AFF1: variants seen among roughly 807,000 people sequenced by gnomAD.
The protein encoded by AFF1 is AF4/FMR2 family member 1.
Under a neutral mutation model 121.7 loss-of-function variants are expected in AFF1, and 48 were observed. The observed-to-expected ratio is 0.39, with a 90% CI of 0.31 to 0.50. The LOEUF (loss-of-function observed/expected upper bound fraction) is 0.50, where lower values mean the gene tolerates loss of function less well. Ranked by LOEUF, AFF1 falls within the 20% of genes least tolerant of loss-of-function variation. AFF1 has a pLI of 0.76. For missense variants in AFF1, 1,523 were observed against 1,511.7 expected (o/e 1.01, Z -0.12); for synonymous variants, 613 against 563.0 (o/e 1.09, Z -1.26).
intron 4 of AFF1, chr4:87,048,107 G>A (rs1053340959): frequency 3.8e-5 from 6 of 157,698 alleles, no homozygotes; most frequent in Admixed American, 3.0e-4. Flanking sequence ...AGATGACAGA[G>A]TCTCTTAATT....
intron 2 of AFF1, among the ~76,000 whole-genome samples, chr4:86,985,867 AAAAC>A (rs1724216145): frequency 6.6e-6 from 1 of 151,708 alleles, no homozygotes; most frequent in Non-Finnish European, 1.5e-5. Flanking sequence ...TACAGAAAAA[AAAAC>A]TAATAAAAAG....
At chr4:87,060,891 A>T (rs868663823) in intron 4 of AFF1, among the ~76,000 whole-genome samples, 1 of 150,716 alleles carries the variant, frequency 6.6e-6, no homozygotes, top group Non-Finnish European at 1.5e-5. Flanking sequence ...CAACAAAAAA[A>T]CGGAATTATT....
chr4:86,994,988 C>G (rs563346943), intron 2 of AFF1, among the ~76,000 whole-genome samples: 13 of 152,270 alleles, frequency 8.5e-5, no homozygotes, highest in African/African-American at 3.1e-4. Context: ...ACTTTGTAAT[C>G]TCAGCACTTC....
intron 5 of AFF1, among the ~76,000 whole-genome samples, 192 bp downstream of exon 5, chr4:87,084,356 T>C (rs1193915960): frequency 6.6e-6 from 1 of 151,858 alleles, no homozygotes; most frequent in East Asian, 1.9e-4. Flanking sequence ...CTGGACAACA[T>C]AGCAAAACCC....
chr4:87,072,750 C>A (rs1370486735), intron 4 of AFF1, among the ~76,000 whole-genome samples: 2 of 152,088 alleles, frequency 1.3e-5, no homozygotes, highest in Non-Finnish European at 1.5e-5. Context: ...AGGCTGGTCA[C>A]AAACTACTGA....
chr4:87,010,128 GA>G (rs1324109052), intron 2 of AFF1, among the ~76,000 whole-genome samples: 2 of 152,174 alleles, frequency 1.3e-5, no homozygotes, highest in African/African-American at 4.8e-5. Flanking sequence ...TTTGAATTGA[GA>G]GATTACCTAA....
rs142174887 is a variant in AFF1 at position 86,997,154 on chromosome 4, C to T, written c.38+48583C>T. Among the ~76,000 whole-genome samples, 597 of 152,244 alleles carry T rather than the reference C, an allele frequency of 3.9e-3. 3 individuals are homozygous for T. Among genetic ancestry groups the T allele is most frequent in the African/African-American group, 0.013 (558 of 41,554 alleles). On this transcript the variant is annotated intron_variant, in intron 2 of 20. Coordinates refer to ENST00000395146, the MANE Select transcript of AFF1 (RefSeq NM_001166693.3). ...CTCGAACTCCTGAGGTCAGGTGATC[C>T]GCCCGCCTTGGCCCCCCAAAGTGCT...
intron 2 of AFF1, among the ~76,000 whole-genome samples, chr4:86,959,084 G>A (rs991148740): frequency 2.0e-5 from 3 of 152,162 alleles, no homozygotes; most frequent in African/African-American, 7.2e-5. Flanking sequence ...ACAATGCACA[G>A]AACAGCCCCC....
chr4:87,044,442 A>C (rs1730471280), intron 2 of AFF1, among the ~76,000 whole-genome samples: 1 of 152,156 alleles, frequency 6.6e-6, no homozygotes, highest in African/African-American at 2.4e-5. Context: ...CTAGGGGAGA[A>C]GGGAGGAGGA....
At chr4:86,937,935 A>C (rs898660904) in intron 1 of AFF1, among the ~76,000 whole-genome samples, 45 of 152,160 alleles carry the variant, frequency 3.0e-4, no homozygotes, top group African/African-American at 1.1e-3. Flanking sequence ...GTGATTGTTT[A>C]GTTGAAGTTT....
intron 2 of AFF1, among the ~76,000 whole-genome samples, chr4:86,996,171 C>A (rs1256898646): frequency 6.6e-6 from 1 of 152,116 alleles, no homozygotes; most frequent in African/African-American, 2.4e-5. Flanking sequence ...CCGGCCGCCC[C>A]TACTGGGAAG....
intron 2 of AFF1, among the ~76,000 whole-genome samples, chr4:87,017,062 C>CGT (rs1294770516): frequency 2.1e-5 from 3 of 145,852 alleles, no homozygotes; most frequent in African/African-American, 7.7e-5. Flanking sequence ...AGACTTTGGA[C>CGT]ATATATATAT....
chr4:87,132,349 T>C lies in AFF1; in HGVS notation c.3252T>C (p.Leu1084=), dbSNP rs1462893083. The change falls in exon 19 of 21, where the codon CTT becomes CTC. Residue 1084 remains leucine, a synonymous_variant. Transcript: ENST00000395146. The part of the protein sequence containing the change: ...KDIAIKYSRT[L]NKHFESSSKV... Reference sequence around the variant, plus strand: ...TAGCAATAAAGTATTCTCGTACTCTTAATAAACACTTCGAGAGTTCTTCCA... The same window carrying C: ...TAGCAATAAAGTATTCTCGTACTCTCAATAAACACTTCGAGAGTTCTTCCA... 6.2e-7 allele frequency: 1 copy of C among 1,613,486 alleles called. No homozygotes were observed. The highest frequency in any genetic ancestry group is 8.5e-7 in the Non-Finnish European group (1 of 1,179,826).
rs748013312 is a variant in AFF1 at position 87,047,419 on chromosome 4, A to G, written c.884A>G (p.Gln295Arg). ...SLPSKSVAMQQKPTAYVRPMD... is the reference protein window; with the variant it reads ...SLPSKSVAMQRKPTAYVRPMD... ...CCCTCAAAAAGTGTTGCAATGCAGC[A>G]GAAGCCCACGGCTTATGTCCGGCCC... Residue 295 changes from glutamine to arginine, a missense_variant, in exon 4 of 21, where the codon CAG (glutamine) becomes CGG (arginine). Physicochemically the swap from Gln to Arg is conservative, Grantham distance 43. Around this residue, in one of 5 missense-constraint regions of AFF1, gnomAD observed 369 missense variants for 367.2 expected, o/e 1.00. Transcript: ENST00000395146. 6.2e-7 allele frequency: 1 copy of G among 1,614,182 alleles called. No individual in the cohort carries two copies. The highest frequency in any genetic ancestry group is 8.5e-7 in the Non-Finnish European group (1 of 1,180,038).
At chr4:87,121,505 A>G (rs1241908660) in intron 12 of AFF1, among the ~76,000 whole-genome samples, 4 of 152,180 alleles carry the variant, frequency 2.6e-5, no homozygotes, top group African/African-American at 9.7e-5. Context: ...CAACTGACAA[A>G]TACCGAGTGC....
intron 2 of AFF1, among the ~76,000 whole-genome samples, chr4:87,004,463 TAAAA>T (rs1021413910): frequency 2.3e-4 from 35 of 152,150 alleles, no homozygotes; most frequent in Admixed American, 6.5e-4. Context: ...TTTCCAAAAT[TAAAA>T]AAATTATTGA....
intron 2 of AFF1, among the ~76,000 whole-genome samples, chr4:87,028,701 C>G (rs1021105108): frequency 1.3e-5 from 2 of 152,176 alleles, no homozygotes; most frequent in African/African-American, 4.8e-5. Context: ...CCTTCTCACA[C>G]TGAAGGAAAG....
chr4:87,118,555 C>A (rs1206479199), intron 12 of AFF1, among the ~76,000 whole-genome samples: 1 of 152,184 alleles, frequency 6.6e-6, no homozygotes, highest in Non-Finnish European at 1.5e-5. Context: ...CGCTCTGTTG[C>A]CCAGGCTGGA....
intron 1 of AFF1, among the ~76,000 whole-genome samples, chr4:86,940,660 A>G (rs1307251420): frequency 6.6e-6 from 1 of 151,994 alleles, no homozygotes; most frequent in African/African-American, 2.4e-5. Flanking sequence ...TCAGCCTCCC[A>G]AAGTGCTGGG....
Sources: gnomAD v4.1 joint callset for allele counts (sites outside exome capture counted in the v4.1 genomes callset) on GRCh38, gnomAD v4.1.1 for gene constraint, gnomAD v4.1.1 regional missense constraint, MANE v1.5 for transcripts, NCBI Gene and HGNC (gene_info 2026-07-23, HGNC 2026-07-21) for gene names.